Variants in GMPS observed in about 807,000 individuals in gnomAD.
GMPS encodes the protein GMP synthase [glutamine-hydrolyzing].
Under a neutral mutation model 77.9 loss-of-function variants are expected in GMPS, and 15 were observed. The observed-to-expected ratio is 0.19, with a 90% CI of 0.13 to 0.30. The LOEUF is 0.30. Ranked by LOEUF, GMPS falls within the 10% of genes least tolerant of loss-of-function variation. The probability of loss-of-function intolerance (pLI) is 1.00; values close to 1 mark genes in which losing one functional copy is unlikely to be tolerated. For missense variants in GMPS, 590 were observed against 838.8 expected (o/e 0.70, Z 3.66); for synonymous variants, 224 against 275.9 (o/e 0.81, Z 1.86).
In GMPS at chr3:155,906,266, G is replaced by GA. The variant is rs1353515812; in HGVS notation, c.526+7dup. On this transcript the variant is annotated splice_donor_region_variant and intron_variant, in intron 5 of 15. Coordinates refer to ENST00000496455, the MANE Select transcript of GMPS (RefSeq NM_003875.3). ...ACGTTCTGGAAACATAGTAGCAGGT[G>GA]AAAATTCTAAAAATTTTGCAGAGTT... The GA allele has an allele frequency of 6.3e-7, 1 of 1,592,980 alleles. No homozygotes were observed. The highest frequency in any genetic ancestry group is 8.6e-7 in the Non-Finnish European group (1 of 1,164,690).
intron 12 of GMPS, among the ~76,000 whole-genome samples, chr3:155,929,339 T>G (rs1359879430): frequency 6.6e-6 from 1 of 152,196 alleles, no homozygotes; most frequent in Non-Finnish European, 1.5e-5. Context: ...TGTCTTCTTT[T>G]GAGAAGTATT....
intron 7 of GMPS, among the ~76,000 whole-genome samples, chr3:155,911,867 T>C (rs1048074515): frequency 2.0e-5 from 3 of 152,024 alleles, no homozygotes; most frequent in Non-Finnish European, 4.4e-5. Context: ...AAATTATCTT[T>C]TCCCACTCTA....
intron 1 of GMPS, among the ~76,000 whole-genome samples, chr3:155,874,371 A>G (rs917991569): frequency 6.6e-6 from 1 of 152,186 alleles, no homozygotes; most frequent in South Asian, 2.1e-4. Flanking sequence ...TGTGATACAG[A>G]ATCTTTAATG....
At chr3:155,873,416 C>T (rs947340191) in intron 1 of GMPS, among the ~76,000 whole-genome samples, 4 of 151,188 alleles carry the variant, frequency 2.6e-5, no homozygotes, top group African/African-American at 9.7e-5. Flanking sequence ...AGGCGTGGAT[C>T]ACCCCGCCCT....
At chr3:155,927,732 T>C (rs1000296175) in intron 12 of GMPS, among the ~76,000 whole-genome samples, 6 of 152,170 alleles carry the variant, frequency 3.9e-5, no homozygotes, top group Non-Finnish European at 8.8e-5. Flanking sequence ...CAGTTAAGTT[T>C]TGTATGTGTC....
rs370268998 is a variant in GMPS at position 155,925,252 on chromosome 3, A to G, written c.1446A>G (p.Leu482=). 1,147 of 1,613,138 alleles carry G rather than the reference A, an allele frequency of 7.1e-4. 4 individuals carry two copies. Among genetic ancestry groups the G allele is most frequent in the South Asian group, 1.1e-3 (96 of 91,000 alleles). ...TTGGTTTTTCTCAGCCACATACCCTATTACAGAGAGTCAAAGCCTGCACAA... is the reference window on the plus strand; with the variant it reads ...TTGGTTTTTCTCAGCCACATACCCTGTTACAGAGAGTCAAAGCCTGCACAA... ...FSASVKKPHT[L]LQRVKACTTE... The change falls in exon 12 of 16, where the codon CTA becomes CTG. Residue 482 remains leucine (L), a synonymous_variant. Transcript: ENST00000496455.
At chr3:155,882,394 A>C (rs1053573664) in intron 1 of GMPS, among the ~76,000 whole-genome samples, 4 of 152,228 alleles carry the variant, frequency 2.6e-5, no homozygotes, top group African/African-American at 7.2e-5. Flanking sequence ...TATGTAGTGC[A>C]TCACAGTAAG....
Position 155,904,266 on chromosome 3 carries a change from G to A in GMPS, c.422+306G>A, listed in dbSNP as rs555300551. Among the ~76,000 whole-genome samples the A allele has an allele frequency of 1.5e-3, 220 of 151,354 alleles. 2 individuals are homozygous for A. Among genetic ancestry groups the A allele is most frequent in the Non-Finnish European group, 2.6e-3 (175 of 67,778 alleles). ...ATTTTCCCTTTTCACTCTTTGATCT[G>A]TTTTTAAAGATTATTATTTTTCTTT... On this transcript the variant is annotated intron_variant, in intron 4 of 15. Coordinates refer to ENST00000496455, the MANE Select transcript of GMPS (RefSeq NM_003875.3).
chr3:155,922,985 T>C (rs563226950), intron 11 of GMPS, among the ~76,000 whole-genome samples: 12 of 152,228 alleles, frequency 7.9e-5, no homozygotes, highest in African/African-American at 2.9e-4. Context: ...CATAGATAGA[T>C]TTCCAACAAA....
chr3:155,918,199 C>T (rs1224567439), intron 9 of GMPS, among the ~76,000 whole-genome samples: 3 of 151,870 alleles, frequency 2.0e-5, no homozygotes, highest in Non-Finnish European at 2.9e-5. Context: ...CCTATAATCC[C>T]AGCACTTTGG....
At chr3:155,896,222 G>A (rs1171947648) in intron 2 of GMPS, among the ~76,000 whole-genome samples, 5 of 151,978 alleles carry the variant, frequency 3.3e-5, no homozygotes, top group Non-Finnish European at 7.4e-5. Context: ...TGTTAGCCAG[G>A]ATGGTCTCGA....
At chr3:155,932,882 T>C (rs1486995010) in intron 13 of GMPS, among the ~76,000 whole-genome samples, 1 of 152,176 alleles carries the variant, frequency 6.6e-6, no homozygotes, top group East Asian at 1.9e-4. Flanking sequence ...TGCTGAAAAA[T>C]AGAATTATTA....
intron 12 of GMPS, among the ~76,000 whole-genome samples, chr3:155,931,116 G>A (rs1188391156): frequency 6.6e-6 from 1 of 151,752 alleles, no homozygotes; most frequent in African/African-American, 2.4e-5. Flanking sequence ...GTGAGCTTCT[G>A]TACCTGGCCT....
intron 15 of GMPS, 39 bp from the exon 16 acceptor site, chr3:155,937,552 C>T (rs1186874287): frequency 1.2e-6 from 1 of 849,260 alleles, no homozygotes; most frequent in South Asian, 1.4e-5. Context: ...GCTGGACATG[C>T]AGTGGATGCT....
At chr3:155,876,519 C>T (rs937585691) in intron 1 of GMPS, among the ~76,000 whole-genome samples, 1 of 152,328 alleles carries the variant, frequency 6.6e-6, no homozygotes, top group South Asian at 2.1e-4. Context: ...GAAAGTTTAA[C>T]AAACCCGTCC....
At chr3:155,911,360 A>G (rs1462926124) in intron 7 of GMPS, 81 bp downstream of exon 7, 2 of 815,828 alleles carry the variant, frequency 2.5e-6, no homozygotes, top group Admixed American at 3.5e-5. Flanking sequence ...AAATGAGCAC[A>G]ATTACAGTTT....
Position 155,911,151 on chromosome 3 carries a change from C to T in GMPS, c.758C>T (p.Thr253Ile). 6.2e-7 allele frequency: 1 copy of T among 1,612,708 alleles called. No homozygotes were observed. Among genetic ancestry groups the T allele is most frequent in the South Asian group, 1.1e-5 (1 of 90,920 alleles). Residue 253 changes from threonine (T) to isoleucine (I), a missense_variant, in exon 7 of 16, where the codon ACA (threonine) becomes ATA (isoleucine). Physicochemically the swap from Thr to Ile is moderately conservative, Grantham distance 89. Coordinates refer to ENST00000496455, the MANE Select transcript of GMPS (RefSeq NM_003875.3). ...LSGGVDSTVCTALLNRALNQE... is the reference protein window; with the variant it reads ...LSGGVDSTVCIALLNRALNQE... Reference sequence around the variant, plus strand: ...GGTGGAGTAGACTCAACAGTTTGTACAGCTTTGCTAAATCGTGCTTTGAAC... The same window carrying T: ...GGTGGAGTAGACTCAACAGTTTGTATAGCTTTGCTAAATCGTGCTTTGAAC...
intron 1 of GMPS, among the ~76,000 whole-genome samples, chr3:155,875,382 C>T (rs1363828686): frequency 1.3e-5 from 2 of 152,180 alleles, no homozygotes; most frequent in African/African-American, 2.4e-5. Flanking sequence ...ATGCGCATGC[C>T]GCCGTGCCTG....
chr3:155,902,622 A>G (rs1185689428), intron 3 of GMPS, among the ~76,000 whole-genome samples: 1 of 152,170 alleles, frequency 6.6e-6, no homozygotes, highest in African/African-American at 2.4e-5. Context: ...AGAGGCCAAT[A>G]TTTTTCTCTG....
Sources: allele counts gnomAD v4.1 joint callset (sites outside exome capture counted in the v4.1 genomes callset), GRCh38; gene constraint gnomAD v4.1.1; transcripts MANE v1.5; gene names NCBI Gene and HGNC (gene_info 2026-07-23, HGNC 2026-07-21).